Variants in ANKHD1 observed in about 807,000 individuals in gnomAD.
The protein encoded by ANKHD1 is ankyrin repeat and KH domain containing 1.
A neutral mutation model predicts 230.5 loss-of-function variants in ANKHD1; 31 were observed. The observed-to-expected ratio is 0.13, with a 90% CI of 0.10 to 0.18. The LOEUF (loss-of-function observed/expected upper bound fraction) is 0.18. Ranked by LOEUF, ANKHD1 falls within the 10% of genes least tolerant of loss-of-function variation. The pLI, the probability that ANKHD1 is intolerant of heterozygous loss-of-function variation, is 1.00. For missense variants in ANKHD1, 2,256 were observed against 3,071.3 expected (o/e 0.73, Z 6.27); for synonymous variants, 1,074 against 1,117.6 (o/e 0.96, Z 0.78).
At chr5:140,534,668 T>C (rs1476862627) in intron 29 of ANKHD1, among the ~76,000 whole-genome samples, 1 of 152,224 alleles carries the variant, frequency 6.6e-6, no homozygotes, top group East Asian at 1.9e-4. Context: ...TGACAGTCGA[T>C]GTTGATATTA....
At chr5:140,426,617 A>G (rs1429973880) in intron 1 of ANKHD1, among the ~76,000 whole-genome samples, 1 of 152,002 alleles carries the variant, frequency 6.6e-6, no homozygotes, top group African/African-American at 2.4e-5. Context: ...CAGCAGATAA[A>G]CAAGTGAACA....
chr5:140,528,139 T>A (rs1364531105), intron 28 of ANKHD1, 45 bp from the exon 29 acceptor site: 1 of 1,539,242 alleles, frequency 6.5e-7, no homozygotes, highest in African/African-American at 1.4e-5. Context: ...TTTTTTTTTT[T>A]TTTTAATGTT....
chr5:140,486,710 A>T, intron 13 of ANKHD1: 1 of 268,754 alleles, frequency 3.7e-6, no homozygotes, highest in Non-Finnish European at 7.2e-6. Flanking sequence ...AAGGCGTTCT[A>T]TTCAGCAAGG....
At chr5:140,423,740 C>T (rs1772174071) in intron 1 of ANKHD1, among the ~76,000 whole-genome samples, 1 of 152,186 alleles carries the variant, frequency 6.6e-6, no homozygotes, top group Non-Finnish European at 1.5e-5. Context: ...AAACTGAACT[C>T]ATACTTTCCC....
Position 140,534,309 on chromosome 5 carries a change from A to G in ANKHD1, c.6851-1053A>G, listed in dbSNP as rs948375354. 1.5e-4 allele frequency among the ~76,000 whole-genome samples: 23 copies of G among 151,946 alleles called. 1 individual carries two copies. The highest frequency in any genetic ancestry group is 3.1e-4 in the Non-Finnish European group (21 of 67,930). On this transcript the variant is annotated intron_variant, in intron 29 of 33. Coordinates refer to ENST00000360839, the MANE Select transcript of ANKHD1 (RefSeq NM_017747.3). ...TGGGAGGCTGAGGCAGAAGAATGGC[A>G]TGAACCCGGGAGGCGGAGCTTGCAG...
At position 140,434,067 on chromosome 5, in the gene ANKHD1, A is replaced by G. The variant is rs186872447; in HGVS notation, c.307-2037A>G. On this transcript the variant is annotated intron_variant, in intron 1 of 33. Transcript: ENST00000360839. Reference sequence around the variant, plus strand: ...TGAAGTTAAAGATTCATTTTGTAAAATTATAGTACATCATTAGATAATAAA... The same window carrying G: ...TGAAGTTAAAGATTCATTTTGTAAAGTTATAGTACATCATTAGATAATAAA... Among the ~76,000 whole-genome samples, 3 of 152,284 alleles carry G rather than the reference A, an allele frequency of 2.0e-5. No individual in the cohort carries two copies. In the East Asian group the frequency reaches 5.8e-4, roughly 29 times the overall value.
chr5:140,498,999 A>T (rs12523459), intron 15 of ANKHD1, among the ~76,000 whole-genome samples: 4,188 of 152,150 alleles, frequency 0.028, 101 homozygotes, highest in Non-Finnish European at 0.039. Context: ...CTTAGAAATT[A>T]TCTTTTTATT....
intron 1 of ANKHD1, among the ~76,000 whole-genome samples, chr5:140,433,988 T>G: frequency 6.6e-6 from 1 of 152,234 alleles, no homozygotes; most frequent in Non-Finnish European, 1.5e-5. Context: ...CATCTTTGTC[T>G]GTAGTTACAT....
Position 140,507,980 on chromosome 5 carries a change from T to C in ANKHD1, c.3747T>C (p.Asn1249=), listed in dbSNP as rs114577754. ...GTTTGCTTCTGGACCGAAAAGCCAA[T>C]GTTGAACATAGGGCAAAGGTAAGCA... ...VVSLLLDRKA[N]VEHRAKTGLT... Residue 1249 remains asparagine (N), a synonymous_variant, in exon 20 of 34, where the codon AAT becomes AAC. Coordinates refer to ENST00000360839, the MANE Select transcript of ANKHD1 (RefSeq NM_017747.3). The surrounding 1 kb of genome is among the most constrained non-coding windows in gnomAD (Gnocchi z 4.1). 4.6e-3 allele frequency: 7,427 copies of C among 1,613,882 alleles called. 26 individuals are homozygous for C. Among genetic ancestry groups the C allele is most frequent in the Non-Finnish European group, 5.6e-3 (6,631 of 1,179,796 alleles).
rs1774516700 is a variant in ANKHD1, at chr5:140,449,220, A to G, written c.1157A>G (p.Asp386Gly). 1 of 1,612,070 alleles carries G rather than the reference A, an allele frequency of 6.2e-7. No homozygotes were observed. The highest frequency in any genetic ancestry group is 1.3e-5 in the African/African-American group (1 of 74,994). Reference protein sequence around the residue: ...LTLACYKGHLDMVRFLLEAGA... With the variant: ...LTLACYKGHLGMVRFLLEAGA... ...TGTTCCTTTTTTCAAGGCCATTTGG[A>G]TATGGTTCGCTTTCTACTTGAAGCT... Residue 386 changes from aspartate (D) to glycine (G), a missense_variant, in exon 7 of 34, where the codon GAT becomes GGT. Around this residue, in one of 13 missense-constraint regions of ANKHD1, gnomAD observed 206 missense variants for 304.5 expected, o/e 0.68. Coordinates refer to ENST00000360839, the MANE Select transcript of ANKHD1 (RefSeq NM_017747.3).
Position 140,539,020 on chromosome 5 carries a change from T to A in ANKHD1, c.7506T>A (p.Asp2502Glu). Residue 2502 changes from aspartate (D) to glutamate (E), a missense_variant, in exon 33 of 34, where the codon GAT (aspartate) becomes GAA (glutamate). Transcript: ENST00000360839. ...GPLFNGLHNP[D>E]PAWNPMIKVI... ...TGTTTAATGGACTTCACAATCCAGA[T>A]CCTGCTTGGAACCCTATGATAAAAG... 4 of 1,613,542 alleles carry A rather than the reference T, an allele frequency of 2.5e-6. No homozygotes were observed. The highest frequency in any genetic ancestry group is 3.4e-6 in the Non-Finnish European group (4 of 1,179,766).
chr5:140,456,738 T>C (rs981340466), intron 7 of ANKHD1, among the ~76,000 whole-genome samples: 1 of 152,192 alleles, frequency 6.6e-6, no homozygotes, highest in Non-Finnish European at 1.5e-5. Flanking sequence ...ATGTTAGACC[T>C]AAAACCATAA....
At chr5:140,433,052 CT>C (rs1370915095) in intron 1 of ANKHD1, among the ~76,000 whole-genome samples, 6 of 149,924 alleles carry the variant, frequency 4.0e-5, no homozygotes, top group African/African-American at 1.2e-4. Context: ...GCCCCACCCC[CT>C]TCCCCCCCCC....
At chr5:140,511,061 G>C (rs552373609) in intron 22 of ANKHD1, among the ~76,000 whole-genome samples, 1 of 152,246 alleles carries the variant, frequency 6.6e-6, no homozygotes, top group African/African-American at 2.4e-5. Context: ...CCTGGGCTCA[G>C]CGATTCTCCC....
intron 24 of ANKHD1, among the ~76,000 whole-genome samples, chr5:140,523,771 C>T (rs1753475400): frequency 6.6e-6 from 1 of 151,900 alleles, no homozygotes; most frequent in Admixed American, 6.5e-5. Flanking sequence ...ATGTTGGCTA[C>T]ATTAGTCTCG....
chr5:140,407,295 C>CAA lies in ANKHD1; in HGVS notation c.306+5037_306+5038dup, dbSNP rs372650696. Among the ~76,000 whole-genome samples the CAA allele has an allele frequency of 3.3e-3, 397 of 120,102 alleles. 2 individuals are homozygous for CAA. The highest frequency in any genetic ancestry group is 0.011 in the South Asian group (38 of 3,514). The allele number at this position is 120,102 out of a possible 152,430, so 78.8% of individuals were successfully genotyped here. A position where few individuals can be genotyped will look rare whatever the true frequency, so the allele number is the denominator to read the frequency against. ...GGGTGACAGAGTGAGACTCCATCTCCAAAAAAAAAAAAAAAACCACTTTAA... is the reference window on the plus strand; with the variant it reads ...GGGTGACAGAGTGAGACTCCATCTCCAAAAAAAAAAAAAAAAAACCACTTTAA... On this transcript the variant is annotated intron_variant, in intron 1 of 33. Transcript: ENST00000360839.
chr5:140,450,530 G>GTCTC (rs148476012), intron 7 of ANKHD1, among the ~76,000 whole-genome samples: 1 of 148,000 alleles, frequency 6.8e-6, no homozygotes, highest in African/African-American at 2.5e-5. Context: ...TTTTCTATTG[G>GTCTC]TCTCTCTCTC....
At chr5:140,416,575 A>G (rs1012882535) in intron 1 of ANKHD1, among the ~76,000 whole-genome samples, 47 of 152,052 alleles carry the variant, frequency 3.1e-4, no homozygotes, top group African/African-American at 1.1e-3. Context: ...CTTTGCCACC[A>G]TCCTCTTTTG....
chr5:140,456,815 A>C (rs1202071405), intron 7 of ANKHD1, among the ~76,000 whole-genome samples: 1 of 152,246 alleles, frequency 6.6e-6, no homozygotes, highest in African/African-American at 2.4e-5. Flanking sequence ...TTCATGTCTA[A>C]AACACCAAAA....
Sources: gnomAD v4.1 joint callset for allele counts (sites outside exome capture counted in the v4.1 genomes callset) on GRCh38, gnomAD v4.1.1 for gene constraint, gnomAD v4.1.1 regional missense constraint, Gnocchi (gnomAD v3.1) non-coding constraint, MANE v1.5 for transcripts, NCBI Gene and HGNC (gene_info 2026-07-23, HGNC 2026-07-21) for gene names.